TSPAN14: variants seen among roughly 807,000 people sequenced by gnomAD.
The protein encoded by TSPAN14 is tetraspanin 14, also known as tetraspanin-14.
A neutral mutation model predicts 36.6 loss-of-function variants in TSPAN14; 16 were observed. The observed-to-expected ratio is 0.44, with a 90% confidence interval of 0.30 to 0.66. The LOEUF is 0.66. TSPAN14 is among the 30% of genes least tolerant of loss of function. TSPAN14 has a pLI of 0.12. For missense variants in TSPAN14, 231 were observed against 355.1 expected (o/e 0.65, Z 2.81); for synonymous variants, 139 against 143.8 (o/e 0.97, Z 0.24).
intron 1 of TSPAN14, among the ~76,000 whole-genome samples, chr10:80,465,945 A>G (rs1051936333): frequency 2.6e-5 from 4 of 152,044 alleles, no homozygotes; most frequent in African/African-American, 7.2e-5. Flanking sequence ...AATTTCAGCT[A>G]TGTGTGGGGT....
At chr10:80,500,543 G>T (rs116058789) in intron 2 of TSPAN14, among the ~76,000 whole-genome samples, 2 of 151,766 alleles carry the variant, frequency 1.3e-5, no homozygotes, top group Admixed American at 6.6e-5. Flanking sequence ...TGGTGAGGCC[G>T]GTCTCAAACT....
At chr10:80,512,613 C>G (rs1307631755) in intron 6 of TSPAN14, among the ~76,000 whole-genome samples, 1 of 152,170 alleles carries the variant, frequency 6.6e-6, no homozygotes, top group East Asian at 1.9e-4. Flanking sequence ...GAGCAGATTC[C>G]TAGAACTCAA....
intron 2 of TSPAN14, among the ~76,000 whole-genome samples, chr10:80,491,464 G>A (rs1450820586): frequency 6.6e-6 from 1 of 152,188 alleles, no homozygotes; most frequent in Non-Finnish European, 1.5e-5. Flanking sequence ...GCTCCTCTCT[G>A]TGGGTGTGCT....
chr10:80,507,349 G>A (rs1251708531), exon 4 of TSPAN14: 1 of 1,614,194 alleles, frequency 6.2e-7, no homozygotes, highest in Non-Finnish European at 8.5e-7. Flanking sequence ...GGGGCTCTGC[G>A]GGAGAATATC....
chr10:80,501,467 C>T (rs1185391373), intron 2 of TSPAN14, among the ~76,000 whole-genome samples: 3 of 152,034 alleles, frequency 2.0e-5, no homozygotes, highest in Non-Finnish European at 4.4e-5. Context: ...ACTTAGTAGT[C>T]AAGGTGAGAG....
chr10:80,514,368 C>T (rs1385648724), intron 7 of TSPAN14, among the ~76,000 whole-genome samples: 1 of 152,160 alleles, frequency 6.6e-6, no homozygotes, highest in Non-Finnish European at 1.5e-5. Flanking sequence ...TTTTAGGAGG[C>T]TCCTTGGCAT....
intron 1 of TSPAN14, among the ~76,000 whole-genome samples, chr10:80,481,124 A>G (rs1847249146): frequency 6.6e-6 from 1 of 152,030 alleles, no homozygotes; most frequent in Non-Finnish European, 1.5e-5. Flanking sequence ...GAGTGAAGGT[A>G]GAAAAAAAAT....
chr10:80,518,473 C>T (rs749702482), exon 9 of TSPAN14: 12 of 171,222 alleles, frequency 7.0e-5, no homozygotes, highest in South Asian at 2.8e-4. Context: ...GGGAGGCGGA[C>T]GTGGCCCCGC....
intron 1 of TSPAN14, among the ~76,000 whole-genome samples, chr10:80,476,637 G>A (rs1312147415): frequency 1.3e-4 from 19 of 151,906 alleles, no homozygotes; most frequent in Non-Finnish European, 2.9e-5. Context: ...AGATGGTCTC[G>A]ATATCCTGAC....
Position 80,512,277 on chromosome 10 carries a change from G to A in TSPAN14, c.576+8G>A, listed in dbSNP as rs747170175. The A allele has an allele frequency of 3.1e-6, 5 of 1,613,320 alleles. No individual in the cohort carries two copies. The Admixed American group carries it at 8.3e-5, about 27-fold the overall frequency. On this transcript the variant is annotated splice_region_variant and intron_variant, in intron 6 of 8. Transcript: ENST00000429989. ...TGCGTGCCAGATCCTGCGGTGAGTTGGCTTGTGCTGGGGCACAGGGAGCCC... is the reference window on the plus strand; with the variant it reads ...TGCGTGCCAGATCCTGCGGTGAGTTAGCTTGTGCTGGGGCACAGGGAGCCC...
chr10:80,485,617 G>A (rs972587352), intron 1 of TSPAN14: 3 of 985,176 alleles, frequency 3.0e-6, no homozygotes, highest in Admixed American at 1.2e-4. Flanking sequence ...TAAACTATGT[G>A]GAGACCAGGA....
At chr10:80,454,684 C>T (rs1002477559) in intron 1 of TSPAN14, among the ~76,000 whole-genome samples, 4 of 152,110 alleles carry the variant, frequency 2.6e-5, no homozygotes, top group Non-Finnish European at 5.9e-5. Context: ...CATCAGCGCG[C>T]CCCGGCGAGT....
intron 1 of TSPAN14, among the ~76,000 whole-genome samples, chr10:80,460,163 A>G (rs900514432): frequency 6.6e-6 from 1 of 152,176 alleles, no homozygotes; most frequent in Non-Finnish European, 1.5e-5. Flanking sequence ...CTCCAAATAC[A>G]ACAAAGAAAA....
At chr10:80,499,944 C>G (rs865863617) in intron 2 of TSPAN14, among the ~76,000 whole-genome samples, 1 of 152,268 alleles carries the variant, frequency 6.6e-6, no homozygotes, top group Middle Eastern at 3.4e-3. Context: ...CTGGAGGGCA[C>G]TCAGCTGAAC....
chr10:80,496,262 C>A (rs1193565647), intron 2 of TSPAN14, among the ~76,000 whole-genome samples: 1 of 152,060 alleles, frequency 6.6e-6, no homozygotes. Flanking sequence ...AAGATTAGAT[C>A]ACTGATTTTT....
intron 2 of TSPAN14, among the ~76,000 whole-genome samples, chr10:80,491,839 TG>T (rs1281486620): frequency 6.6e-6 from 1 of 152,136 alleles, no homozygotes; most frequent in African/African-American, 2.4e-5. Flanking sequence ...AGACCAAACA[TG>T]AGAGAGCTTG....
intron 2 of TSPAN14, among the ~76,000 whole-genome samples, chr10:80,500,764 A>G (rs1409318754): frequency 6.6e-6 from 1 of 152,204 alleles, no homozygotes; most frequent in Non-Finnish European, 1.5e-5. Context: ...TGAGAAGAAC[A>G]GCAAGCGAGG....
rs1840349191 is a variant in TSPAN14 at position 80,507,212 on chromosome 10, T to C, written c.133-16T>C. 5 of 1,614,156 alleles carry C rather than the reference T, an allele frequency of 3.1e-6. No individual in the cohort carries two copies. The South Asian group carries it at 4.4e-5, about 14-fold the overall frequency. Reference sequence around the variant, plus strand: ...CTTCTGGGCCAGTGCTGCCCTGCTTTCTCTGTCTCTTTCAGGGTGTGCTGT... The same window carrying C: ...CTTCTGGGCCAGTGCTGCCCTGCTTCCTCTGTCTCTTTCAGGGTGTGCTGT... On this transcript the variant is annotated splice_polypyrimidine_tract_variant and intron_variant, in intron 3 of 8. Transcript: ENST00000429989.
At chr10:80,462,030 C>T (rs1846000027) in intron 1 of TSPAN14, among the ~76,000 whole-genome samples, 1 of 152,072 alleles carries the variant, frequency 6.6e-6, no homozygotes, top group Admixed American at 6.6e-5. Context: ...CCTCCCGCCT[C>T]AGCCTCCTGA....
Sources: gnomAD v4.1 joint callset for allele counts (sites outside exome capture counted in the v4.1 genomes callset) on GRCh38, gnomAD v4.1.1 for gene constraint, MANE v1.5 for transcripts, NCBI Gene and HGNC (gene_info 2026-07-23, HGNC 2026-07-21) for gene names.